SEMA3E: variants seen among roughly 807,000 people sequenced by gnomAD.
The protein encoded by SEMA3E is semaphorin-3E.
A neutral mutation model predicts 93.6 loss-of-function variants in SEMA3E; 49 were observed. The ratio of observed to expected loss-of-function variants is 0.52; its 90% CI spans 0.42 to 0.66. SEMA3E has a LOEUF of 0.66. Among genes scored for constraint, SEMA3E ranks in the 30% least tolerant of loss-of-function variants. The pLI is 0.00. For synonymous variants in SEMA3E, 363 were observed against 330.7 expected (o/e 1.10, Z -1.06); for missense variants, 906 against 964.8 (o/e 0.94, Z 0.81).
At chr7:83,591,289 G>C (rs1302990760) in intron 1 of SEMA3E, among the ~76,000 whole-genome samples, 1 of 151,770 alleles carries the variant, frequency 6.6e-6, no homozygotes, top group Non-Finnish European at 1.5e-5. Context: ...AGGATATCAT[G>C]GGACCTGCTG....
chr7:83,526,344 C>T (rs1791158657), intron 1 of SEMA3E, among the ~76,000 whole-genome samples: 1 of 152,002 alleles, frequency 6.6e-6, no homozygotes, highest in Admixed American at 6.6e-5. Context: ...CAGTCCAGTA[C>T]TTCAGTGCAA....
chr7:83,418,429 G>T lies in SEMA3E; in HGVS notation c.511C>A (p.Pro171Thr). 1.9e-6 allele frequency: 3 copies of T among 1,612,126 alleles called. No individual in the cohort carries two copies. The highest frequency in any genetic ancestry group is 1.7e-6 in the Non-Finnish European group (2 of 1,179,112). ...ATGAAGGAGGAGCTGGGGTCAAAAGGACATCTGCCCCTTCCTCTCTCAGAT... is the reference window on the plus strand; with the variant it reads ...ATGAAGGAGGAGCTGGGGTCAAAAGTACATCTGCCCCTTCCTCTCTCAGAT... Reference protein sequence around the residue: ...PRSERGRGRCPFDPSSSFIST... With the variant: ...PRSERGRGRCTFDPSSSFIST... The change falls in exon 5 of 17, where the codon CCT becomes ACT. Residue 171 changes from proline to threonine, a missense_variant. Coordinates refer to ENST00000643230, the MANE Select transcript of SEMA3E (RefSeq NM_012431.3).
In SEMA3E at chr7:83,418,373, G is replaced by A. The variant is rs755739572; in HGVS notation, c.550+17C>T. 2.4e-5 allele frequency: 36 copies of A among 1,529,824 alleles called. No homozygotes were observed. In the South Asian group the frequency reaches 3.3e-4, roughly 14 times the overall value. The allele number at this position is 1,529,824 out of a possible 1,614,324, so 94.8% of individuals were successfully genotyped here. On this transcript the variant is annotated intron_variant, in intron 5 of 16. Coordinates refer to ENST00000643230, the MANE Select transcript of SEMA3E (RefSeq NM_012431.3). ...TCCTTATGACTACCACCTGATGTCT[G>A]TGGCAATGACAATTACCAATTAAAG...
At chr7:83,623,129 C>T (rs1379075660) in intron 1 of SEMA3E, among the ~76,000 whole-genome samples, 1 of 152,124 alleles carries the variant, frequency 6.6e-6, no homozygotes, top group East Asian at 1.9e-4. Flanking sequence ...AATATCTTCT[C>T]ATTTGCCAGG....
intron 4 of SEMA3E, among the ~76,000 whole-genome samples, chr7:83,454,207 G>A (rs1320461909): frequency 7.4e-6 from 1 of 135,180 alleles, no homozygotes; most frequent in Non-Finnish European, 1.5e-5. Context: ...GCAGTGAGCC[G>A]AGATGGCGCC....
intron 1 of SEMA3E, among the ~76,000 whole-genome samples, chr7:83,638,836 G>T (rs2081923719): frequency 6.6e-6 from 1 of 152,056 alleles, no homozygotes; most frequent in South Asian, 2.1e-4. Flanking sequence ...TCCTGGCCGG[G>T]CGCGGTGGCT....
chr7:83,451,649 C>G lies in SEMA3E; in HGVS notation c.456+14833G>C, dbSNP rs544813019. On this transcript the variant is annotated intron_variant, in intron 4 of 16. Transcript: ENST00000643230. ...GTGCAAGTGTGCATTGTGTGCTTGA[C>G]AGAAACTGTGGAATACTGTTAAGCA... Among the ~76,000 whole-genome samples, 4 of 152,318 alleles carry G rather than the reference C, an allele frequency of 2.6e-5. No homozygotes were observed. In the East Asian group the frequency reaches 5.8e-4, roughly 22 times the overall value.
intron 1 of SEMA3E, among the ~76,000 whole-genome samples, chr7:83,567,485 A>G (rs1229365610): frequency 6.6e-6 from 1 of 152,172 alleles, no homozygotes; most frequent in African/African-American, 2.4e-5. Context: ...AACATTCCAC[A>G]GGATAGGCCA....
At chr7:83,494,292 A>G (rs1413456775) in intron 1 of SEMA3E, among the ~76,000 whole-genome samples, 6 of 151,748 alleles carry the variant, frequency 4.0e-5, no homozygotes, top group African/African-American at 1.4e-4. Context: ...ACACAAGAAA[A>G]AAAAAACTGT....
chr7:83,553,395 C>G (rs1043411535), intron 1 of SEMA3E, among the ~76,000 whole-genome samples: 1 of 152,316 alleles, frequency 6.6e-6, no homozygotes, highest in Admixed American at 6.5e-5. Context: ...CAGTCCTCCA[C>G]TTTGTACTCA....
At chr7:83,467,123 G>T (rs559768079) in intron 3 of SEMA3E, among the ~76,000 whole-genome samples, 1 of 138,788 alleles carries the variant, frequency 7.2e-6, no homozygotes, top group African/African-American at 2.7e-5. Context: ...GGAACACAGT[G>T]GTGTAATTTC....
At chr7:83,461,264 A>C (rs1457564063) in intron 4 of SEMA3E, among the ~76,000 whole-genome samples, 3 of 152,084 alleles carry the variant, frequency 2.0e-5, no homozygotes, top group African/African-American at 7.2e-5. Context: ...CTGTACCCTC[A>C]GTACCAACCC....
intron 1 of SEMA3E, among the ~76,000 whole-genome samples, chr7:83,530,030 C>T (rs1791254204): frequency 6.6e-6 from 1 of 152,124 alleles, no homozygotes; most frequent in African/African-American, 2.4e-5. Context: ...TTTACTCAAT[C>T]ATATTTTCTA....
chr7:83,523,567 G>A (rs71557175), intron 1 of SEMA3E, among the ~76,000 whole-genome samples: 10,825 of 152,022 alleles, frequency 0.071, 482 homozygotes, highest in South Asian at 0.18. Flanking sequence ...AGTGGCATGT[G>A]CTTCTCTTAG....
intron 1 of SEMA3E, among the ~76,000 whole-genome samples, chr7:83,495,007 C>T (rs1201194155): frequency 6.6e-6 from 1 of 151,888 alleles, no homozygotes; most frequent in African/African-American, 2.4e-5. Flanking sequence ...GAGCAGTCAA[C>T]ATGAAGCATG....
In SEMA3E at chr7:83,363,860, A is replaced by ATTTTTTTTT. The variant is rs56867715; in HGVS notation, c.*3717_*3725dup. ...GGCTACAGGTGTCACAGGTCAATTCATTTTTTTTTTTTTTTTTTTTTTTTT... is the reference window on the plus strand; with the variant it reads ...GGCTACAGGTGTCACAGGTCAATTCATTTTTTTTTTTTTTTTTTTTTTTTTTTTTTTTTT... On this transcript the variant is annotated 3_prime_UTR_variant, in exon 17 of 17. Coordinates refer to ENST00000643230, the MANE Select transcript of SEMA3E (RefSeq NM_012431.3). The ATTTTTTTTT allele has an allele frequency of 1.3e-5, 1 of 76,968 alleles. No individual in the cohort carries two copies. The highest frequency in any genetic ancestry group is 5.0e-5 in the African/African-American group (1 of 20,112). The allele number at this position is 76,968 out of a possible 1,614,324, so 4.8% of individuals were successfully genotyped here.
intron 1 of SEMA3E, among the ~76,000 whole-genome samples, chr7:83,527,340 A>G (rs1341638038): frequency 1.3e-5 from 2 of 152,154 alleles, no homozygotes; most frequent in Admixed American, 1.3e-4. Context: ...GCAGCCCTAG[A>G]AAACTAATAC....
intron 1 of SEMA3E, among the ~76,000 whole-genome samples, chr7:83,586,074 G>T (rs1224551710): frequency 6.6e-6 from 1 of 152,102 alleles, no homozygotes; most frequent in Admixed American, 6.6e-5. Flanking sequence ...ACTGGAAAAA[G>T]TCTTTGCAAA....
intron 14 of SEMA3E, among the ~76,000 whole-genome samples, chr7:83,387,855 T>C (rs1397316719): frequency 2.1e-5 from 3 of 144,966 alleles, no homozygotes; most frequent in Non-Finnish European, 3.0e-5. Context: ...TATATGTTTA[T>C]ATATATATAA....
Sources: gnomAD v4.1 joint callset for allele counts (sites outside exome capture counted in the v4.1 genomes callset) on GRCh38, gnomAD v4.1.1 for gene constraint, MANE v1.5 for transcripts, NCBI Gene and HGNC (gene_info 2026-07-23, HGNC 2026-07-21) for gene names.